PAK1: variants seen among roughly 807,000 people sequenced by gnomAD.
The protein encoded by PAK1 is serine/threonine-protein kinase PAK 1.
PAK1 carries 29 observed loss-of-function variants against 67.4 expected under a neutral mutation model. The observed-to-expected ratio is 0.43, with a 90% CI of 0.32 to 0.59. The LOEUF (loss-of-function observed/expected upper bound fraction) is 0.59. Among genes scored for constraint, PAK1 ranks in the 20% least tolerant of loss-of-function variants. The pLI is 0.07. For synonymous variants in PAK1, 223 were observed against 237.4 expected, an observed-to-expected ratio of 0.94 and a Z score of 0.56; for missense variants, 337 against 670.7, an observed-to-expected ratio of 0.50 and a Z score of 5.50.
intron 1 of PAK1, among the ~76,000 whole-genome samples, chr11:77,422,204 C>T (rs1199831681): frequency 6.6e-6 from 1 of 152,138 alleles, no homozygotes; most frequent in Non-Finnish European, 1.5e-5. Context: ...AAAACACAGG[C>T]ACCAGCACAC....
intron 1 of PAK1, among the ~76,000 whole-genome samples, chr11:77,453,830 T>C (rs1383875150): frequency 3.3e-5 from 5 of 152,014 alleles, no homozygotes; most frequent in African/African-American, 9.7e-5. Flanking sequence ...CCTGTAATCT[T>C]AGCACTTTGG....
chr11:77,332,961 T>C, intron 13 of PAK1, 94 bp from the exon 14 acceptor site: 1 of 1,109,718 alleles, frequency 9.0e-7, no homozygotes, highest in African/African-American at 1.5e-5. Context: ...AGCTGCTTTA[T>C]GCTCTAGGAT....
chr11:77,487,287 T>C, the PAK1 span, among the ~76,000 whole-genome samples: 1 of 152,264 alleles, frequency 6.6e-6, no homozygotes, highest in East Asian at 1.9e-4. Flanking sequence ...CCTTGGGTCC[T>C]GAATAAACAG....
chr11:77,372,960 TAAC>T (rs1391026191), intron 5 of PAK1, among the ~76,000 whole-genome samples: 1 of 152,138 alleles, frequency 6.6e-6, no homozygotes, highest in East Asian at 1.9e-4. Flanking sequence ...ATATAACAAT[TAAC>T]AAGTCAGAGA....
chr11:77,490,643 T>C, the PAK1 span, among the ~76,000 whole-genome samples: 1 of 152,152 alleles, frequency 6.6e-6, no homozygotes, highest in African/African-American at 2.4e-5. Flanking sequence ...AACAGCTCAT[T>C]GAGAACGGGC....
rs1314082805 is a variant in PAK1, at chr11:77,323,110, C to T, written c.*164G>A. The T allele has an allele frequency of 7.5e-7, 1 of 1,330,430 alleles. No individual in the cohort carries two copies. The highest frequency in any genetic ancestry group is 1.0e-6 in the Non-Finnish European group (1 of 952,916). 82.4% of individuals were successfully genotyped at this position (1,330,430 alleles called of 1,614,324 possible). A position where few individuals can be genotyped will look rare whatever the true frequency, so the allele number is the denominator to read the frequency against. On this transcript the variant is annotated 3_prime_UTR_variant, in exon 15 of 15. Transcript: ENST00000356341. ...TTAGTCATTCAGTTGCAGTTCTCTTCAATGCTGGACACACGGTTTCCAAGG... is the reference window on the plus strand; with the variant it reads ...TTAGTCATTCAGTTGCAGTTCTCTTTAATGCTGGACACACGGTTTCCAAGG...
At chr11:77,350,492 T>C (rs1591832609) in intron 8 of PAK1, among the ~76,000 whole-genome samples, 1 of 152,370 alleles carries the variant, frequency 6.6e-6, no homozygotes, top group South Asian at 2.1e-4. Context: ...ACCCTCATTT[T>C]ATGCTTAAGA....
At chr11:77,366,763 T>C (rs888814974) in intron 5 of PAK1, among the ~76,000 whole-genome samples, 2 of 152,202 alleles carry the variant, frequency 1.3e-5, no homozygotes, top group Non-Finnish European at 2.9e-5. Context: ...TATAAAATGG[T>C]GCCAGCACTG....
chr11:77,324,473 T>A (rs1939217404), intron 14 of PAK1, among the ~76,000 whole-genome samples: 1 of 152,118 alleles, frequency 6.6e-6, no homozygotes, highest in African/African-American at 2.4e-5. Flanking sequence ...GTGCCTGGTC[T>A]AACAATTCCT....
rs1436560913 is a variant in PAK1, at chr11:77,433,480, T to C, written c.-22+40072A>G. Reference sequence around the variant, plus strand: ...ATCCAGGATATATAAAGAACTCTTATAATAATAGTAAAAAAGAGGCTGGGC... The same window carrying C: ...ATCCAGGATATATAAAGAACTCTTACAATAATAGTAAAAAAGAGGCTGGGC... On this transcript the variant is annotated intron_variant, in intron 1 of 14. Transcript: ENST00000356341. Among the ~76,000 whole-genome samples, 6 of 152,124 alleles carry C rather than the reference T, an allele frequency of 3.9e-5. No homozygotes were observed. In the East Asian group the frequency reaches 7.7e-4, roughly 20 times the overall value.
intron 10 of PAK1, among the ~76,000 whole-genome samples, chr11:77,342,212 T>C (rs1943712928): frequency 6.6e-6 from 1 of 150,898 alleles, no homozygotes; most frequent in South Asian, 2.1e-4. Flanking sequence ...TCCTCTTCCA[T>C]GACCTTACAG....
chr11:77,394,088 G>A (rs556588567), intron 1 of PAK1, among the ~76,000 whole-genome samples: 2 of 152,242 alleles, frequency 1.3e-5, no homozygotes, highest in South Asian at 4.1e-4. Flanking sequence ...AAACGTCCTT[G>A]ACAATGGATA....
intron 13 of PAK1, 123 bp downstream of exon 13, chr11:77,335,963 T>G: frequency 1.9e-6 from 1 of 540,252 alleles, no homozygotes; most frequent in Non-Finnish European, 3.3e-6. Context: ...AGTTCAACAG[T>G]GACTAGTTGT....
intron 12 of PAK1, 93 bp downstream of exon 12, chr11:77,337,231 G>T: frequency 1.8e-6 from 1 of 563,884 alleles, no homozygotes; most frequent in East Asian, 2.9e-5. Context: ...ACCCTTTGGT[G>T]AGTGTCGTAG....
At chr11:77,326,639 T>C (rs111543459) in intron 14 of PAK1, among the ~76,000 whole-genome samples, 4,740 of 152,190 alleles carry the variant, frequency 0.031, 131 homozygotes, top group African/African-American at 0.077. Flanking sequence ...TGAGCCATGA[T>C]TGCGCCATGC....
chr11:77,474,106 G>GCCCCT (rs1958009220), upstream of PAK1: 1 of 152,390 alleles, frequency 6.6e-6, no homozygotes. Context: ...CCGCCCGGCA[G>GCCCCT]GCCTGACCGC....
chr11:77,402,453 C>G (rs912622450), intron 1 of PAK1, among the ~76,000 whole-genome samples: 4 of 152,198 alleles, frequency 2.6e-5, no homozygotes, highest in Non-Finnish European at 5.9e-5. Flanking sequence ...TGCCTACCAT[C>G]TTGGGAAATT....
chr11:77,399,184 TAGAC>T (rs1297303189), intron 1 of PAK1, among the ~76,000 whole-genome samples: 2 of 152,168 alleles, frequency 1.3e-5, no homozygotes, highest in Non-Finnish European at 1.5e-5. Flanking sequence ...GATAGGTAGA[TAGAC>T]AGATCATGAA....
chr11:77,485,170 T>C, the PAK1 span, among the ~76,000 whole-genome samples: 54 of 151,904 alleles, frequency 3.6e-4, 1 homozygote, highest in Non-Finnish European at 2.8e-4. Context: ...CCGGAAAGAG[T>C]AGCGGGGTAG....
Sources: allele counts gnomAD v4.1 joint callset (sites outside exome capture counted in the v4.1 genomes callset), GRCh38; gene constraint gnomAD v4.1.1; transcripts MANE v1.5; gene names NCBI Gene and HGNC (gene_info 2026-07-23, HGNC 2026-07-21).